BACH2: variants seen among roughly 807,000 people sequenced by gnomAD.
BACH2 encodes transcription regulator protein BACH2.
Under a neutral mutation model 61.8 loss-of-function variants are expected in BACH2, and 5 were observed. The observed-to-expected ratio is 0.08, with a 90% CI of 0.04 to 0.17. The LOEUF (loss-of-function observed/expected upper bound fraction) is 0.17, where lower values mean the gene tolerates loss of function less well. Ranked by LOEUF, BACH2 falls within the 10% of genes least tolerant of loss-of-function variation. The pLI, the probability that BACH2 is intolerant of heterozygous loss-of-function variation, is 1.00. For missense variants in BACH2, 824 were observed against 1,091.1 expected (o/e 0.76, Z 3.45); for synonymous variants, 446 against 440.1 (o/e 1.01, Z -0.17).
chr6:89,950,988 T>G lies in BACH2; in HGVS notation c.1118A>C (p.Asp373Ala). 6.3e-7 allele frequency: 1 copy of G among 1,579,806 alleles called. No individual in the cohort carries two copies. Among genetic ancestry groups the G allele is most frequent in the African/African-American group, 1.4e-5 (1 of 73,942 alleles). The change falls in exon 7 of 9, where the codon GAC (aspartate) becomes GCC (alanine). Residue 373 changes from aspartate (D) to alanine (A), a missense_variant. Around this residue, in one of 8 missense-constraint regions of BACH2, gnomAD observed 226 missense variants for 228.5 expected, o/e 0.99. Coordinates refer to ENST00000257749, the MANE Select transcript of BACH2 (RefSeq NM_021813.4). The surrounding 1 kb of genome is among the most constrained non-coding windows in gnomAD (Gnocchi z 5.3). ...HFARSPACPF[D>A]KGITQGDLKT... ...AAGGTCACCCTGAGTGATCCCCTTG[T>G]CAAAAGGGCAGGCTGGACTCCTGGC...
chr6:90,286,185 G>A (rs926148636), intron 1 of BACH2, among the ~76,000 whole-genome samples: 1 of 152,064 alleles, frequency 6.6e-6, no homozygotes, highest in African/African-American at 2.4e-5. Context: ...TTACCATATC[G>A]ACCACAAGAA....
intron 6 of BACH2, among the ~76,000 whole-genome samples, chr6:89,957,612 C>CT (rs1207255887): frequency 6.6e-6 from 1 of 152,160 alleles, no homozygotes; most frequent in Non-Finnish European, 1.5e-5. Flanking sequence ...GATCTTGCCA[C>CT]TTACTGCAGC....
At chr6:90,291,061 A>C (rs1772162588) in intron 1 of BACH2, among the ~76,000 whole-genome samples, 1 of 152,204 alleles carries the variant, frequency 6.6e-6, no homozygotes, top group South Asian at 2.1e-4. Flanking sequence ...TCAGGAAAAG[A>C]ACAAAAAGGT....
At chr6:90,222,475 G>C (rs1428403008) in intron 3 of BACH2, among the ~76,000 whole-genome samples, 1 of 152,222 alleles carries the variant, frequency 6.6e-6, no homozygotes, top group Non-Finnish European at 1.5e-5. Flanking sequence ...AAGACTGTAT[G>C]TGAGGGATCA....
chr6:89,978,858 A>C (rs1390194538), intron 6 of BACH2, among the ~76,000 whole-genome samples: 1 of 152,184 alleles, frequency 6.6e-6, no homozygotes, highest in Admixed American at 6.5e-5. Flanking sequence ...CTTTCTGAAT[A>C]AGCTGTATGT....
intron 4 of BACH2, among the ~76,000 whole-genome samples, chr6:90,109,131 C>T (rs1324518035): frequency 6.6e-6 from 1 of 152,180 alleles, no homozygotes; most frequent in Non-Finnish European, 1.5e-5. Flanking sequence ...GCCATTATTT[C>T]CTCATTTCTC....
chr6:90,285,665 CAGG>C (rs1199226383), intron 1 of BACH2, among the ~76,000 whole-genome samples: 2 of 152,174 alleles, frequency 1.3e-5, no homozygotes, highest in Admixed American at 6.5e-5. Context: ...TGGCTGCTGG[CAGG>C]AGAAGAGGAC....
chr6:90,272,153 A>G (rs1771545280), intron 1 of BACH2, among the ~76,000 whole-genome samples: 1 of 152,128 alleles, frequency 6.6e-6, no homozygotes, highest in Non-Finnish European at 1.5e-5. Context: ...CATGTCACCA[A>G]GACTTACTGT....
intron 1 of BACH2, among the ~76,000 whole-genome samples, chr6:90,295,082 C>A (rs1016184617): frequency 3.3e-5 from 5 of 151,760 alleles, no homozygotes; most frequent in African/African-American, 9.7e-5. Flanking sequence ...AGGAACGCCG[C>A]GTCTCGCCGC....
chr6:90,216,649 T>C (rs913681967), intron 3 of BACH2, among the ~76,000 whole-genome samples: 1 of 152,342 alleles, frequency 6.6e-6, no homozygotes, highest in South Asian at 2.1e-4. Flanking sequence ...AAAACATTAT[T>C]TCATATCCTT....
rs548029027 is a variant in BACH2 at position 90,220,011 on chromosome 6, C to A, written c.-274-13330G>T. 3.3e-5 allele frequency among the ~76,000 whole-genome samples: 5 copies of A among 152,054 alleles called. No homozygotes were observed. In the East Asian group the frequency reaches 5.8e-4, roughly 18 times the overall value. ...GCCCACATTGAAAGAGATGACACTT[C>A]AGAAGAATAAGAACATGCAGCCGCT... On this transcript the variant is annotated intron_variant, in intron 3 of 8. Transcript: ENST00000257749.
chr6:90,152,021 T>C (rs908999236), intron 4 of BACH2, among the ~76,000 whole-genome samples: 2 of 152,260 alleles, frequency 1.3e-5, no homozygotes, highest in Non-Finnish European at 2.9e-5. Context: ...AATAAAGCTA[T>C]TAATGGCATT....
chr6:90,176,141 A>C (rs1767976778), intron 4 of BACH2, among the ~76,000 whole-genome samples: 2 of 152,048 alleles, frequency 1.3e-5, no homozygotes, highest in African/African-American at 4.8e-5. Flanking sequence ...AATGTAACAA[A>C]TTTCTTCCTT....
chr6:90,160,833 G>A (rs145667438), intron 4 of BACH2, among the ~76,000 whole-genome samples: 40 of 152,280 alleles, frequency 2.6e-4, no homozygotes, highest in African/African-American at 8.9e-4. Context: ...GCTCATGCCT[G>A]TAATCCCAGC....
intron 2 of BACH2, among the ~76,000 whole-genome samples, chr6:90,255,213 A>G (rs1296185346): frequency 6.6e-6 from 1 of 152,246 alleles, no homozygotes; most frequent in African/African-American, 2.4e-5. Flanking sequence ...GTGGCCACAC[A>G]AGACTGATTC....
At chr6:90,127,771 G>A (rs1783917576) in intron 4 of BACH2, among the ~76,000 whole-genome samples, 1 of 152,194 alleles carries the variant, frequency 6.6e-6, no homozygotes, top group South Asian at 2.1e-4. Flanking sequence ...CTGCTGTGGT[G>A]TGAGGCTCTT....
chr6:90,044,859 G>A (rs1197886441), intron 5 of BACH2, among the ~76,000 whole-genome samples: 2 of 152,184 alleles, frequency 1.3e-5, no homozygotes, highest in Non-Finnish European at 2.9e-5. Context: ...TATGGGGGAT[G>A]AGGGCAGAAC....
chr6:90,198,049 G>A (rs1347770769), intron 4 of BACH2, among the ~76,000 whole-genome samples: 1 of 152,220 alleles, frequency 6.6e-6, no homozygotes, highest in Non-Finnish European at 1.5e-5. Context: ...CAGCGAGTTT[G>A]GAGTGCAGGC....
At chr6:90,185,192 G>A (rs971348951) in intron 4 of BACH2, among the ~76,000 whole-genome samples, 4 of 152,172 alleles carry the variant, frequency 2.6e-5, no homozygotes, top group African/African-American at 7.2e-5. Flanking sequence ...ATGCAGAGCC[G>A]GGTGAGCTTC....
Sources: gnomAD v4.1 joint callset for allele counts (sites outside exome capture counted in the v4.1 genomes callset) on GRCh38, gnomAD v4.1.1 for gene constraint, gnomAD v4.1.1 regional missense constraint, Gnocchi (gnomAD v3.1) non-coding constraint, MANE v1.5 for transcripts, NCBI Gene and HGNC (gene_info 2026-07-23, HGNC 2026-07-21) for gene names.